NOL4L: variants seen among roughly 807,000 people sequenced by gnomAD.
NOL4L encodes nucleolar protein 4 like.
A neutral mutation model predicts 64.5 loss-of-function variants in NOL4L; 7 were observed. The ratio of observed to expected loss-of-function variants is 0.11; its 90% CI spans 0.06 to 0.20. The LOEUF (loss-of-function observed/expected upper bound fraction) is 0.20, where lower values mean the gene tolerates loss of function less well. Ranked by LOEUF, NOL4L falls within the 10% of genes least tolerant of loss-of-function variation. NOL4L has a pLI of 1.00. For missense variants in NOL4L, 680 were observed against 967.1 expected (o/e 0.70, Z 3.94); for synonymous variants, 413 against 401.0 (o/e 1.03, Z -0.36).
In NOL4L at chr20:32,462,585, A is replaced by T. The variant is rs536427383; in HGVS notation, c.842-6190T>A. On this transcript the variant is annotated intron_variant, in intron 5 of 10. Coordinates refer to ENST00000621426, the MANE Select transcript of NOL4L (RefSeq NM_001256798.2). ...GGCAGTTGGGTTTTGATCCGATTGG[A>T]ATTCTTCCTCCCACAACCCTTAAAA... is the stretch of plus-strand genomic sequence containing the variant. 1.6e-4 allele frequency among the ~76,000 whole-genome samples: 22 copies of T among 140,392 alleles called. 1 individual carries two copies. The South Asian group carries it at 4.7e-3, about 30-fold the overall frequency. 92.1% of individuals were successfully genotyped at this position (140,392 alleles called of 152,430 possible).
At position 32,453,267 on chromosome 20, in the gene NOL4L, A is replaced by AC. The variant is rs1437117148; in HGVS notation, c.1497+36dup. 1 of 1,599,062 alleles carries AC rather than the reference A, an allele frequency of 6.3e-7. No individual in the cohort carries two copies. The highest frequency in any genetic ancestry group is 1.1e-5 in the South Asian group (1 of 88,990). ...AGTGTGGCAGGAGGTCAGTAGTGGC[A>AC]CCGAGGGAAAGTGTGGGCCAGGCAG... On this transcript the variant is annotated intron_variant, in intron 8 of 10. Transcript: ENST00000621426. The surrounding 1 kb of genome is among the most constrained non-coding windows in gnomAD (Gnocchi z 5.6).
intron 4 of NOL4L, among the ~76,000 whole-genome samples, chr20:32,498,766 T>TAAAAAAAAAA (rs34083852): frequency 1.0e-5 from 1 of 99,026 alleles, no homozygotes; most frequent in Non-Finnish European, 2.1e-5. Context: ...CCTGTCTCAA[T>TAAAAAAAAAA]AAAAAAAAAA....
chr20:32,559,249 G>C (rs1978850502), intron 1 of NOL4L, among the ~76,000 whole-genome samples: 1 of 152,216 alleles, frequency 6.6e-6, no homozygotes, highest in African/African-American at 2.4e-5. Context: ...CAAACAGCCT[G>C]GCACGTAGTA....
At chr20:32,535,757 T>C in intron 1 of NOL4L, 2 of 985,204 alleles carry the variant, frequency 2.0e-6, no homozygotes, top group Non-Finnish European at 2.4e-6. Context: ...GGAATGGGTG[T>C]AGGGGGAAGG....
chr20:32,461,568 G>A (rs1275180056), intron 5 of NOL4L, among the ~76,000 whole-genome samples: 8 of 151,094 alleles, frequency 5.3e-5, no homozygotes, highest in South Asian at 2.1e-4. Flanking sequence ...GACTACAGGC[G>A]CCCACCACCA....
chr20:32,488,809 CTTTCTTTCTTTCTTTCTTTTTCTTTCTT>C lies in NOL4L; in HGVS notation c.700-14095_700-14068del, dbSNP rs1568648374. 2.2e-3 allele frequency among the ~76,000 whole-genome samples: 57 copies of C among 25,652 alleles called. 1 individual carries two copies. Among genetic ancestry groups the C allele is most frequent in the South Asian group, 2.7e-3 (2 of 748 alleles). The allele number at this position is 25,652 out of a possible 152,430, so 16.8% of individuals were successfully genotyped here. ...TTCCTTCCTTTCTTTCTTTCTTTTT[CTTTCTTTCTTTCTTTCTTTTTCTTTCTT>C]TCTTTCTTTCTTTCTTTCTTTCTTT... On this transcript the variant is annotated intron_variant, in intron 4 of 10. Coordinates refer to ENST00000621426, the MANE Select transcript of NOL4L (RefSeq NM_001256798.2).
intron 2 of NOL4L, among the ~76,000 whole-genome samples, chr20:32,524,924 G>T (rs1448736457): frequency 1.3e-5 from 2 of 152,230 alleles, no homozygotes; most frequent in East Asian, 3.8e-4. Context: ...AGGGGAGGAG[G>T]GAGGTGTGCC....
At chr20:32,498,099 C>T (rs759887137) in intron 4 of NOL4L, among the ~76,000 whole-genome samples, 1 of 152,208 alleles carries the variant, frequency 6.6e-6, no homozygotes, top group Non-Finnish European at 1.5e-5. Context: ...CCTCAAGGAG[C>T]TGCTGGGGAC....
rs2014403151 is a variant in NOL4L at position 32,464,801 on chromosome 20, A to T, written c.842-8406T>A. On this transcript the variant is annotated intron_variant, in intron 5 of 10. Coordinates refer to ENST00000621426, the MANE Select transcript of NOL4L (RefSeq NM_001256798.2). This position sits in a 1 kb window ranked among gnomAD's most constrained non-coding sequence, Gnocchi z 5.6. ...GAAATCAATTTTAATAATCTACTTT[A>T]TTTAACCCAATATATCCAAAATAGT... 1 of 400,338 alleles carries T rather than the reference A, an allele frequency of 2.5e-6. No individual in the cohort carries two copies. Among genetic ancestry groups the T allele is most frequent in the Non-Finnish European group, 4.4e-6 (1 of 225,652 alleles). 24.8% of individuals were successfully genotyped at this position (400,338 alleles called of 1,614,324 possible).
chr20:32,488,515 G>A (rs1397103167), intron 4 of NOL4L, among the ~76,000 whole-genome samples: 2 of 152,128 alleles, frequency 1.3e-5, no homozygotes, highest in African/African-American at 4.8e-5. Flanking sequence ...CTCTCTAAAT[G>A]CTACACTAGT....
At chr20:32,466,500 G>A (rs775179038) in intron 5 of NOL4L, among the ~76,000 whole-genome samples, 5 of 152,188 alleles carry the variant, frequency 3.3e-5, no homozygotes, top group Non-Finnish European at 5.9e-5. Flanking sequence ...CCTGTGACCC[G>A]GGACTGCCAG....
chr20:32,524,213 G>A (rs1178158166), intron 2 of NOL4L, among the ~76,000 whole-genome samples: 3 of 152,178 alleles, frequency 2.0e-5, no homozygotes, highest in African/African-American at 7.2e-5. Context: ...AAACTCTGTA[G>A]AACCAGCTGG....
intron 1 of NOL4L, among the ~76,000 whole-genome samples, chr20:32,561,744 C>T (rs1979033750): frequency 6.6e-6 from 1 of 152,182 alleles, no homozygotes; most frequent in African/African-American, 2.4e-5. Flanking sequence ...TTATTTGTCT[C>T]CCCTGTGACT....
intron 1 of NOL4L, among the ~76,000 whole-genome samples, chr20:32,547,789 C>T (rs141619513): frequency 2.6e-5 from 4 of 152,164 alleles, no homozygotes; most frequent in African/African-American, 9.7e-5. Context: ...CTGGAAGCAG[C>T]TCCAGCCATG....
chr20:32,472,685 C>G (rs1443372208), intron 5 of NOL4L, among the ~76,000 whole-genome samples: 1 of 152,198 alleles, frequency 6.6e-6, no homozygotes, highest in Admixed American at 6.5e-5. Flanking sequence ...GAAGAGGCAG[C>G]AGAGGCCAGG....
At chr20:32,537,211 C>G (rs1321349821) in intron 1 of NOL4L, 19 of 679,912 alleles carry the variant, frequency 2.8e-5, no homozygotes, top group Non-Finnish European at 3.1e-5. Flanking sequence ...GTCAGTGCCT[C>G]TGCTGCTCCC....
chr20:32,464,085 C>G lies in NOL4L; in HGVS notation c.842-7690G>C, dbSNP rs953763758. The stretch of plus-strand genomic sequence containing the variant: ...CGACGGGGGAGGAGGGGGTGGGAGA[C>G]TGCTGGAGCCACGGCCCACCATGGC... On this transcript the variant is annotated intron_variant, in intron 5 of 10. Coordinates refer to ENST00000621426, the MANE Select transcript of NOL4L (RefSeq NM_001256798.2). The surrounding 1 kb of genome is among the most constrained non-coding windows in gnomAD (Gnocchi z 5.6). Among the ~76,000 whole-genome samples, 3 of 152,184 alleles carry G rather than the reference C, an allele frequency of 2.0e-5. No individual in the cohort carries two copies. The highest frequency in any genetic ancestry group is 4.4e-5 in the Non-Finnish European group (3 of 68,032).
chr20:32,543,036 C>T (rs1423471710), intron 1 of NOL4L, among the ~76,000 whole-genome samples: 1 of 152,108 alleles, frequency 6.6e-6, no homozygotes, highest in African/African-American at 2.4e-5. Context: ...TTGAGGAGCT[C>T]GCCAGCTAGT....
intron 1 of NOL4L, among the ~76,000 whole-genome samples, chr20:32,553,008 A>G (rs1222623815): frequency 6.6e-6 from 1 of 152,190 alleles, no homozygotes; most frequent in Non-Finnish European, 1.5e-5. Context: ...CTCTGAGAGC[A>G]TAGGAGATCC....
Sources: gnomAD v4.1 joint callset for allele counts (sites outside exome capture counted in the v4.1 genomes callset) on GRCh38, gnomAD v4.1.1 for gene constraint, Gnocchi (gnomAD v3.1) non-coding constraint, MANE v1.5 for transcripts, NCBI Gene and HGNC (gene_info 2026-07-23, HGNC 2026-07-21) for gene names.